Variants in DLG2 observed in about 807,000 individuals in gnomAD.
DLG2 encodes the protein disks large homolog 2.
DLG2 carries 45 observed loss-of-function variants against 132.5 expected under a neutral mutation model. The observed-to-expected ratio is 0.34, with a 90% CI of 0.27 to 0.44. The LOEUF (loss-of-function observed/expected upper bound fraction) is 0.44. Ranked by LOEUF, DLG2 falls within the 20% of genes least tolerant of loss-of-function variation. The pLI is 1.00. For missense variants in DLG2, 1,045 were observed against 1,196.9 expected (o/e 0.87, Z 1.87); for synonymous variants, 424 against 419.6 (o/e 1.01, Z -0.13).
At chr11:83,877,183 T>A (rs1457428328) in intron 15 of DLG2, among the ~76,000 whole-genome samples, 1 of 152,154 alleles carries the variant, frequency 6.6e-6, no homozygotes, top group South Asian at 2.1e-4. Context: ...GCACTGACAT[T>A]ATAACTTTTA....
At chr11:85,624,278 C>T (rs770030191) in intron 2 of DLG2, among the ~76,000 whole-genome samples, 19 of 152,192 alleles carry the variant, frequency 1.2e-4, no homozygotes, top group Non-Finnish European at 2.4e-4. Flanking sequence ...CACACCCATT[C>T]CCAATTCCCA....
chr11:84,021,224 T>C (rs1364648008), intron 11 of DLG2, among the ~76,000 whole-genome samples: 1 of 152,148 alleles, frequency 6.6e-6, no homozygotes, highest in African/African-American at 2.4e-5. Flanking sequence ...TATTCTCATC[T>C]TACAGAAAAA....
chr11:85,202,734 A>T (rs1486300324), intron 4 of DLG2, among the ~76,000 whole-genome samples: 2 of 152,088 alleles, frequency 1.3e-5, no homozygotes, highest in African/African-American at 4.8e-5. Flanking sequence ...AAAATCAGCA[A>T]AAAGAAGAAA....
chr11:84,399,803 C>T (rs2098823390), intron 7 of DLG2, among the ~76,000 whole-genome samples: 2 of 152,158 alleles, frequency 1.3e-5, no homozygotes, highest in Non-Finnish European at 1.5e-5. Context: ...TTTGGTTCTA[C>T]AAAAATCCAA....
At chr11:84,753,377 T>C (rs1473377645) in intron 6 of DLG2, among the ~76,000 whole-genome samples, 1 of 152,132 alleles carries the variant, frequency 6.6e-6, no homozygotes, top group African/African-American at 2.4e-5. Context: ...TTTGAATTAG[T>C]AGGCAGGCAC....
intron 6 of DLG2, among the ~76,000 whole-genome samples, chr11:84,681,509 A>G (rs572219923): frequency 6.6e-6 from 1 of 152,184 alleles, no homozygotes; most frequent in Non-Finnish European, 1.5e-5. Context: ...GTATTTGAAC[A>G]TGCAGCTTTA....
intron 6 of DLG2, among the ~76,000 whole-genome samples, chr11:84,995,892 C>A (rs2057605175): frequency 6.6e-6 from 1 of 152,080 alleles, no homozygotes; most frequent in Non-Finnish European, 1.5e-5. Context: ...GAGATACCTG[C>A]TTCATTCATT....
intron 17 of DLG2, among the ~76,000 whole-genome samples, chr11:83,812,526 T>G (rs2047579156): frequency 6.6e-6 from 1 of 152,192 alleles, no homozygotes; most frequent in Admixed American, 6.5e-5. Flanking sequence ...AATAATCCTA[T>G]GAAGCACTTA....
intron 6 of DLG2, among the ~76,000 whole-genome samples, chr11:84,567,170 T>C (rs2099460069): frequency 6.6e-6 from 1 of 151,998 alleles, no homozygotes. Flanking sequence ...CAAGCGTTAT[T>C]GAAAGAATAG....
intron 18 of DLG2, among the ~76,000 whole-genome samples, chr11:83,646,419 G>A (rs1350813578): frequency 6.6e-6 from 1 of 152,032 alleles, no homozygotes; most frequent in Admixed American, 6.6e-5. Context: ...GGGAAAGAAG[G>A]AAGGAAAAGC....
intron 19 of DLG2, among the ~76,000 whole-genome samples, chr11:83,624,934 C>T (rs10898147): frequency 0.32 from 48,921 of 152,010 alleles, 9,470 homozygotes; most frequent in African/African-American, 0.55. Flanking sequence ...GGTACCTGAT[C>T]ATGTTCCCCT....
chr11:85,426,377 C>T (rs375536280), intron 3 of DLG2, among the ~76,000 whole-genome samples: 1 of 152,306 alleles, frequency 6.6e-6, no homozygotes, highest in Non-Finnish European at 1.5e-5. Context: ...AGGCACCCCC[C>T]AGTAGGGGCA....
At chr11:83,772,771 T>G (rs1473353417) in intron 18 of DLG2, among the ~76,000 whole-genome samples, 1 of 152,016 alleles carries the variant, frequency 6.6e-6, no homozygotes, top group African/African-American at 2.4e-5. Flanking sequence ...CTGTTAAGTG[T>G]TTTTTTCTTC....
intron 6 of DLG2, among the ~76,000 whole-genome samples, chr11:84,966,218 C>T (rs1042454148): frequency 3.3e-5 from 5 of 151,952 alleles, no homozygotes; most frequent in African/African-American, 1.2e-4. Context: ...ATCTATCTAT[C>T]TGTCTGTCTG....
chr11:84,801,906 G>A (rs1304519794), intron 6 of DLG2, among the ~76,000 whole-genome samples: 1 of 152,142 alleles, frequency 6.6e-6, no homozygotes, highest in Admixed American at 6.5e-5. Context: ...AATTTCCCAC[G>A]TTCTTTGTTA....
chr11:84,185,189 C>T (rs1446273730), intron 8 of DLG2, among the ~76,000 whole-genome samples: 1 of 152,042 alleles, frequency 6.6e-6, no homozygotes, highest in Admixed American at 6.5e-5. Context: ...GATATTGATT[C>T]CTCCTATCCA....
intron 6 of DLG2, among the ~76,000 whole-genome samples, chr11:84,560,119 A>G (rs1253589304): frequency 1.3e-5 from 2 of 152,102 alleles, no homozygotes; most frequent in Admixed American, 6.5e-5. Flanking sequence ...ATATAATACT[A>G]GCTACAGGAC....
chr11:84,833,099 C>T (rs1395626665), intron 6 of DLG2, among the ~76,000 whole-genome samples: 4 of 151,564 alleles, frequency 2.6e-5, no homozygotes, highest in Non-Finnish European at 5.9e-5. Flanking sequence ...ATTGAATCCT[C>T]ACTCCCAAAG....
rs555509901 is a variant in DLG2, at chr11:83,871,983, G to T, written c.1565+2437C>A. ...TTTATTTTTAAAAATTGGTGAGTTT[G>T]GGCTGGGCATAGTGGCTCACACCTG... On this transcript the variant is annotated intron_variant, in intron 16 of 27. Transcript: ENST00000376104. Among the ~76,000 whole-genome samples the T allele has an allele frequency of 3.1e-3, 474 of 152,066 alleles. 1 individual carries two copies. Among genetic ancestry groups the T allele is most frequent in the Middle Eastern group, 0.01 (3 of 294 alleles).
Sources: allele counts gnomAD v4.1 joint callset (sites outside exome capture counted in the v4.1 genomes callset), GRCh38; gene constraint gnomAD v4.1.1; transcripts MANE v1.5; gene names NCBI Gene and HGNC (gene_info 2026-07-23, HGNC 2026-07-21).